CORIN: variants seen among roughly 807,000 people sequenced by gnomAD.
CORIN encodes atrial natriuretic peptide-converting enzyme.
Under a neutral mutation model 125.3 loss-of-function variants are expected in CORIN, and 117 were observed. The ratio of observed to expected loss-of-function variants is 0.93; its 90% CI spans 0.80 to 1.09. The LOEUF is 1.09. Among genes scored for constraint, CORIN ranks in the 50% least tolerant of loss-of-function variants. The pLI, the probability that CORIN is intolerant of heterozygous loss-of-function variation, is 0.00. For synonymous variants in CORIN, 450 were observed against 466.4 expected, an observed-to-expected ratio of 0.96 and a Z score of 0.45; for missense variants, 1,253 against 1,306.7, an observed-to-expected ratio of 0.96 and a Z score of 0.63.
At chr4:47,706,559 G>C in intron 5 of CORIN, 6 of 1,609,676 alleles carry the variant, frequency 3.7e-6, no homozygotes, top group Non-Finnish European at 5.1e-6. Context: ...GTTATACATA[G>C]GATTTGTGTT....
At chr4:47,737,983 C>T (rs1728205931) in intron 5 of CORIN, among the ~76,000 whole-genome samples, 1 of 148,510 alleles carries the variant, frequency 6.7e-6, no homozygotes, top group Non-Finnish European at 1.5e-5. Flanking sequence ...AAGCCTTTTC[C>T]CCGGGGTGTT....
intron 4 of CORIN, among the ~76,000 whole-genome samples, chr4:47,757,375 C>T (rs1012420688): frequency 6.6e-6 from 1 of 152,058 alleles, no homozygotes. Context: ...GGGTGGATCA[C>T]TTGAGGTCAG....
At chr4:47,830,400 T>TTC (rs1006004365) in intron 1 of CORIN, among the ~76,000 whole-genome samples, 79 of 152,292 alleles carry the variant, frequency 5.2e-4, no homozygotes, top group African/African-American at 1.8e-3. Flanking sequence ...GCAGATTCCT[T>TTC]TCTCTCATCT....
chr4:47,649,637 C>G (rs932736624), intron 13 of CORIN, among the ~76,000 whole-genome samples: 55 of 152,178 alleles, frequency 3.6e-4, no homozygotes, highest in African/African-American at 1.2e-3. Flanking sequence ...CACACAGCCT[C>G]TAAGGCTAAG....
intron 4 of CORIN, among the ~76,000 whole-genome samples, chr4:47,761,195 T>C (rs189072822): frequency 4.3e-4 from 65 of 152,352 alleles, no homozygotes; most frequent in East Asian, 3.9e-4. Flanking sequence ...GGCTAACTGT[T>C]GGGTGCAAGA....
chr4:47,715,746 C>T (rs899171300), intron 5 of CORIN, among the ~76,000 whole-genome samples: 8 of 152,160 alleles, frequency 5.3e-5, no homozygotes, highest in African/African-American at 1.9e-4. Flanking sequence ...ATTCTTCAGA[C>T]ACATAAAGAA....
intron 13 of CORIN, among the ~76,000 whole-genome samples, chr4:47,652,114 G>A (rs1158857030): frequency 1.3e-5 from 2 of 152,056 alleles, no homozygotes; most frequent in Admixed American, 1.3e-4. Context: ...CTTATATAAG[G>A]TATATTCAAT....
At chr4:47,689,607 A>G (rs918629445) in intron 6 of CORIN, among the ~76,000 whole-genome samples, 2 of 152,190 alleles carry the variant, frequency 1.3e-5, no homozygotes, top group Admixed American at 6.5e-5. Flanking sequence ...TCACTGTGAA[A>G]ACGTTTTCCT....
At chr4:47,782,557 G>A (rs538158443) in intron 3 of CORIN, among the ~76,000 whole-genome samples, 15 of 152,248 alleles carry the variant, frequency 9.9e-5, no homozygotes, top group African/African-American at 3.4e-4. Context: ...AAACCCAAGA[G>A]AACCAGAAAC....
At chr4:47,648,778 T>C (rs1723604462) in intron 13 of CORIN, among the ~76,000 whole-genome samples, 1 of 152,174 alleles carries the variant, frequency 6.6e-6, no homozygotes, top group Non-Finnish European at 1.5e-5. Flanking sequence ...GACAAGGTAA[T>C]ACTGCATTAT....
At chr4:47,609,563 A>G (rs1324208764) in intron 19 of CORIN, among the ~76,000 whole-genome samples, 2 of 151,284 alleles carry the variant, frequency 1.3e-5, no homozygotes, top group African/African-American at 4.9e-5. Context: ...TTAAAAAATT[A>G]TCTGTAACAG....
rs1236044548 is a variant in CORIN, at chr4:47,645,158, T to C, written c.1880A>G (p.Asn627Ser). The C allele has an allele frequency of 6.2e-7, 1 of 1,611,996 alleles. No individual in the cohort carries two copies. Among genetic ancestry groups the C allele is most frequent in the African/African-American group, 1.3e-5 (1 of 74,876 alleles). ...CACTGTGTGCTTCAAACATTGTTTA[T>C]TGGATGGACATTCCCAAAGATCTCT... ...KERDLWECPS[N>S]KQCLKHTVIC... Residue 627 changes from asparagine (N) to serine (S), a missense_variant, in exon 14 of 22, where the codon AAT becomes AGT. Coordinates refer to ENST00000273857, the MANE Select transcript of CORIN (RefSeq NM_006587.4).
chr4:47,779,939 T>G (rs1473893000), intron 3 of CORIN, among the ~76,000 whole-genome samples: 1 of 152,200 alleles, frequency 6.6e-6, no homozygotes, highest in South Asian at 2.1e-4. Context: ...TTAGACAGCA[T>G]CATGGTCATC....
chr4:47,680,170 C>A lies in CORIN; in HGVS notation c.1103G>T (p.Cys368Phe), dbSNP rs758154840. 2 of 1,613,730 alleles carry A rather than the reference C, an allele frequency of 1.2e-6. No individual in the cohort carries two copies. Among genetic ancestry groups the A allele is most frequent in the Non-Finnish European group, 1.7e-6 (2 of 1,179,764 alleles). The change falls in exon 8 of 22, where the codon TGT (cysteine) becomes TTT (phenylalanine). Residue 368 changes from cysteine to phenylalanine, a missense_variant. Physicochemically the swap from Cys to Phe is radical, Grantham distance 205. Transcript: ENST00000273857. ...GTTGACCTCGTCAGACTTATCCACA[C>A]AGTCGTGGTCACCATCACACACCCA... ...MEWVCDGDHDCVDKSDEVNCS... is the reference protein window; with the variant it reads ...MEWVCDGDHDFVDKSDEVNCS...
chr4:47,711,147 C>G (rs924340773), intron 5 of CORIN, among the ~76,000 whole-genome samples: 1 of 152,134 alleles, frequency 6.6e-6, no homozygotes, highest in African/African-American at 2.4e-5. Flanking sequence ...CAAACCTGAC[C>G]CCTTGATCAC....
chr4:47,683,667 A>G (rs1725386081), intron 7 of CORIN, 64 bp downstream of exon 7: 2 of 1,174,834 alleles, frequency 1.7e-6, no homozygotes, highest in Non-Finnish European at 1.2e-6. Flanking sequence ...AATGAACTGT[A>G]AGTTTTTGGT....
intron 2 of CORIN, among the ~76,000 whole-genome samples, chr4:47,795,823 A>G (rs979836859): frequency 6.6e-6 from 1 of 152,100 alleles, no homozygotes; most frequent in African/African-American, 2.4e-5. Context: ...TCTCCAAAGA[A>G]GACACATACG....
At chr4:47,743,172 G>A (rs547252439) in intron 5 of CORIN, among the ~76,000 whole-genome samples, 1 of 151,476 alleles carries the variant, frequency 6.6e-6, no homozygotes, top group South Asian at 2.1e-4. Context: ...ATGTTTGGGG[G>A]TGAGCAAAGA....
intron 19 of CORIN, among the ~76,000 whole-genome samples, chr4:47,606,632 T>TTTCCCTCCTTCCTTTC (rs910634550): frequency 1.3e-4 from 19 of 151,702 alleles, no homozygotes; most frequent in African/African-American, 4.4e-4. Flanking sequence ...TCCTACCTTC[T>TTTCCCTCCTTCCTTTC]TTCCCTCCTT....
Sources: gnomAD v4.1 joint callset for allele counts (sites outside exome capture counted in the v4.1 genomes callset) on GRCh38, gnomAD v4.1.1 for gene constraint, MANE v1.5 for transcripts, NCBI Gene and HGNC (gene_info 2026-07-23, HGNC 2026-07-21) for gene names.